The following MYO1A variants were observed in gnomAD, a reference collection of about 807,000 sequenced individuals.
The protein encoded by MYO1A is myosin IA.
In MYO1A, 127 loss-of-function variants were observed where a neutral mutation model predicts 138.5. That is an observed-to-expected ratio of 0.92 (90% CI 0.79 to 1.06). The LOEUF is 1.06. MYO1A is among the 50% of genes least tolerant of loss of function. MYO1A has a pLI of 0.00. For missense variants in MYO1A, 1,211 were observed against 1,288.8 expected (o/e 0.94, Z 0.92); for synonymous variants, 477 against 497.5 (o/e 0.96, Z 0.55).
Position 57,029,818 on chromosome 12 carries a change from C to T in MYO1A, c.2646G>A (p.Leu882=). Residue 882 remains leucine, a synonymous_variant, in exon 25 of 28, where the codon CTG becomes CTA. Transcript: ENST00000300119. The part of the protein sequence containing the change: ...DYIGLQGNPK[L]QKLKGGEEGP... The stretch of plus-strand genomic sequence containing the variant: ...CCTCCTCCCCGCCTTTCAGCTTCTG[C>T]AGCTTGGGGTTCCCTTGCAGCCCAA... 6.2e-7 allele frequency: 1 copy of T among 1,614,208 alleles called. No homozygotes were observed. The highest frequency in any genetic ancestry group is 8.5e-7 in the Non-Finnish European group (1 of 1,180,038).
intron 24 of MYO1A, 85 bp from the exon 25 acceptor site, chr12:57,029,957 G>A: frequency 1.9e-6 from 3 of 1,600,132 alleles, no homozygotes; most frequent in Non-Finnish European, 2.6e-6. Context: ...GTCCTCCCGG[G>A]CCCTTCCCCC....
rs2270740 is a variant in MYO1A at position 57,028,690 on chromosome 12, G to T, written c.*65C>A. The stretch of plus-strand genomic sequence containing the variant: ...GGGTTAGAGATCCTCCCACACAGGA[G>T]GGCAGAGGGGGATTAGTGCTGGTTC... On this transcript the variant is annotated 3_prime_UTR_variant, in exon 28 of 28. Coordinates refer to ENST00000300119, the MANE Select transcript of MYO1A (RefSeq NM_005379.4). 3 of 1,599,788 alleles carry T rather than the reference G, an allele frequency of 1.9e-6. No individual in the cohort carries two copies.
At chr12:57,039,566 G>C (rs73334794) in intron 14 of MYO1A, 5,004 of 438,584 alleles carry the variant, frequency 0.011, 219 homozygotes, top group African/African-American at 0.092. Flanking sequence ...AACATGTTGA[G>C]TGAAGATTAG....
chr12:57,043,381 C>A, intron 10 of MYO1A, 23 bp from the exon 11 acceptor site: 1 of 1,603,008 alleles, frequency 6.2e-7, no homozygotes, highest in Non-Finnish European at 8.5e-7. Context: ...GAAAGTACAG[C>A]ATGTCCTTAG....
Position 57,038,014 on chromosome 12 carries a change from C to G in MYO1A, c.1816G>C (p.Ala606Pro). The G allele has an allele frequency of 6.2e-7, 1 of 1,614,164 alleles. No individual in the cohort carries two copies. The highest frequency in any genetic ancestry group is 1.7e-5 in the Admixed American group (1 of 60,034). ...QRGQFSSDLV[A>P]TQARYLGLLE... ...AGTCCCAGGTACCGAGCCTGGGTTG[C>G]CACCAGGTCTGAAGAGAACTGACCT... Residue 606 changes from alanine (A) to proline (P), a missense_variant, in exon 18 of 28, where the codon GCA becomes CCA. Transcript: ENST00000300119.
intron 14 of MYO1A, among the ~76,000 whole-genome samples, chr12:57,040,371 T>C (rs1231471624): frequency 6.6e-6 from 1 of 152,134 alleles, no homozygotes; most frequent in Non-Finnish European, 1.5e-5. Flanking sequence ...TGCTTGCATA[T>C]GCGTAAGGAC....
At chr12:57,046,464 G>A in intron 8 of MYO1A, 88 bp downstream of exon 8, 1 of 1,018,070 alleles carries the variant, frequency 9.8e-7, no homozygotes, top group Admixed American at 1.7e-5. Context: ...TAGGGGCCCA[G>A]AGGGAACAGG....
At position 57,043,066 on chromosome 12, in the gene MYO1A, A is replaced by G. The variant is rs1367586199; in HGVS notation, c.1098+6T>C. On this transcript the variant is annotated splice_donor_region_variant and intron_variant, in intron 12 of 27. Transcript: ENST00000300119. ...AGAGCATGGAGAAAGCAGAGCGGCCACTTGCCTTGATGCTCTCATTGATTC... is the reference window on the plus strand; with the variant it reads ...AGAGCATGGAGAAAGCAGAGCGGCCGCTTGCCTTGATGCTCTCATTGATTC... 1 of 1,614,110 alleles carries G rather than the reference A, an allele frequency of 6.2e-7. No homozygotes were observed. Among genetic ancestry groups the G allele is most frequent in the Non-Finnish European group, 8.5e-7 (1 of 1,179,984 alleles).
chr12:57,048,024 A>G lies in MYO1A; in HGVS notation c.195T>C (p.Tyr65=), dbSNP rs2031191390. Residue 65 remains tyrosine, a synonymous_variant, in exon 3 of 28, where the codon TAT becomes TAC. Coordinates refer to ENST00000300119, the MANE Select transcript of MYO1A (RefSeq NM_005379.4). ...TCAGCTCATAGAAAGTATAGTCTTG[A>G]TATTTGGCAATGAACTCTGGCCCAT... ...PIYGPEFIAK[Y]QDYTFYELKP... 1 of 1,614,064 alleles carries G rather than the reference A, an allele frequency of 6.2e-7. No homozygotes were observed. The highest frequency in any genetic ancestry group is 8.5e-7 in the Non-Finnish European group (1 of 1,180,024).
rs2030690968 is a variant in MYO1A, at chr12:57,038,558, G to A, written c.1614C>T (p.Ala538=). Residue 538 remains alanine, a synonymous_variant, in exon 17 of 28, where the codon GCC becomes GCT. Transcript: ENST00000300119. The part of the protein sequence containing the change: ...FRDLLQAMWK[A]QHPLLRSLFP... ...ACAAGGACCGAAGGAGGGGGTGCTGGGCCTTCCACATGGCCTGCAACAGGT... is the reference window on the plus strand; with the variant it reads ...ACAAGGACCGAAGGAGGGGGTGCTGAGCCTTCCACATGGCCTGCAACAGGT... The A allele has an allele frequency of 6.2e-7, 1 of 1,614,024 alleles. No individual in the cohort carries two copies. Among genetic ancestry groups the A allele is most frequent in the African/African-American group, 1.3e-5 (1 of 74,902 alleles).
chr12:57,042,981 G>T, intron 12 of MYO1A, 91 bp downstream of exon 12: 1 of 1,228,724 alleles, frequency 8.1e-7, no homozygotes, highest in Non-Finnish European at 1.2e-6. Flanking sequence ...TCCCTACTCT[G>T]CTCATCTCAG....
intron 24 of MYO1A, 155 bp from the exon 25 acceptor site, chr12:57,030,027 C>A: frequency 7.3e-7 from 1 of 1,364,148 alleles, no homozygotes; most frequent in Non-Finnish European, 1.0e-6. Flanking sequence ...GACATCAGCA[C>A]CACCTGGGGA....
chr12:57,044,893 G>A (rs1179300468), intron 8 of MYO1A, among the ~76,000 whole-genome samples: 3 of 152,294 alleles, frequency 2.0e-5, no homozygotes, highest in South Asian at 2.1e-4. Context: ...AAGGGTAAGC[G>A]CATATCTCCT....
At chr12:57,033,830 T>C (rs1382667758) in intron 22 of MYO1A, among the ~76,000 whole-genome samples, 1 of 152,218 alleles carries the variant, frequency 6.6e-6, no homozygotes, top group African/African-American at 2.4e-5. Flanking sequence ...GCAGAATACA[T>C]AGTATATTGC....
At chr12:57,043,709 G>C in intron 10 of MYO1A, 147 bp downstream of exon 10, 2 of 1,013,392 alleles carry the variant, frequency 2.0e-6, no homozygotes, top group Non-Finnish European at 3.0e-6. Flanking sequence ...GGAGTTCTCA[G>C]TGAGTCTGTT....
At chr12:57,035,397 G>A (rs1049363826) in intron 22 of MYO1A, among the ~76,000 whole-genome samples, 1 of 152,140 alleles carries the variant, frequency 6.6e-6, no homozygotes, top group Non-Finnish European at 1.5e-5. Context: ...CAAAAAAGAG[G>A]TCCAGAGCTT....
intron 12 of MYO1A, among the ~76,000 whole-genome samples, chr12:57,042,596 T>C (rs1324419496): frequency 6.6e-6 from 1 of 152,228 alleles, no homozygotes; most frequent in Non-Finnish European, 1.5e-5. Context: ...GCATTAGTGT[T>C]TCTTAAATAG....
rs138679694 is a variant in MYO1A, at chr12:57,039,002, C to T, written c.1340G>A (p.Arg447Gln). 4.7e-4 allele frequency: 763 copies of T among 1,613,530 alleles called. No homozygotes were observed. The highest frequency in any genetic ancestry group is 7.0e-4 in the Admixed American group (42 of 59,932). ...IICKLIEHNQ[R>Q]GILAMLDEEC... is the part of the protein sequence containing the mutation. ...CTCATCCAACATGGCCAGGATACCT[C>T]GCTGATTCTGGGCCGGGGGAACAAA... Residue 447 changes from arginine (R) to glutamine (Q), a missense_variant, in exon 16 of 28, where the codon CGA (arginine) becomes CAA (glutamine). Arg to Gln is a conservative substitution (Grantham distance 43, BLOSUM62 1). Coordinates refer to ENST00000300119, the MANE Select transcript of MYO1A (RefSeq NM_005379.4).
At chr12:57,036,161 G>T in intron 22 of MYO1A, 146 bp downstream of exon 22, 1 of 813,110 alleles carries the variant, frequency 1.2e-6, no homozygotes, top group Non-Finnish European at 2.1e-6. Flanking sequence ...CCTGCAGGTA[G>T]CTGCCCTCTT....
Sources: gnomAD v4.1 joint callset for allele counts (sites outside exome capture counted in the v4.1 genomes callset) on GRCh38, gnomAD v4.1.1 for gene constraint, MANE v1.5 for transcripts, NCBI Gene and HGNC (gene_info 2026-07-23, HGNC 2026-07-21) for gene names.